The following PTPRZ1 variants were observed in gnomAD, a reference collection of about 807,000 sequenced individuals.
PTPRZ1 encodes protein tyrosine phosphatase receptor type Z1, also known as receptor-type tyrosine-protein phosphatase zeta.
PTPRZ1 carries 82 observed loss-of-function variants against 214.1 expected under a neutral mutation model. The observed-to-expected ratio is 0.38, with a 90% CI of 0.32 to 0.46. The LOEUF (loss-of-function observed/expected upper bound fraction) is 0.46, where lower values mean the gene tolerates loss of function less well. Among genes scored for constraint, PTPRZ1 ranks in the 20% least tolerant of loss-of-function variants. The pLI is 1.00. For missense variants in PTPRZ1, 2,603 were observed against 2,748.7 expected, an observed-to-expected ratio of 0.95 and a Z score of 1.19; for synonymous variants, 945 against 987.9, an observed-to-expected ratio of 0.96 and a Z score of 0.81.
rs1403786207 is a variant in PTPRZ1, at chr7:121,969,778, GTTTT to G, written c.304+1652_304+1655del. Among the ~76,000 whole-genome samples, 3 of 151,368 alleles carry G rather than the reference GTTTT, an allele frequency of 2.0e-5. No homozygotes were observed. In the South Asian group the frequency reaches 6.3e-4, roughly 32 times the overall value. ...AGTAGGGCATGGAACCTCTGCTTTGGTTTTTTTATTTTTATTCTTTTTATATATA... is the reference window on the plus strand; with the variant it reads ...AGTAGGGCATGGAACCTCTGCTTTGGTTTATTTTTATTCTTTTTATATATA... On this transcript the variant is annotated intron_variant, in intron 3 of 29. Transcript: ENST00000393386.
Position 121,946,498 on chromosome 7 carries a change from G to A in PTPRZ1, c.124+18277G>A, listed in dbSNP as rs550680861. ...TGGAAAAGAGACAACTGACAACAAA[G>A]TAGCGAGAAGGTCCCATAGAGCTCC... is the stretch of plus-strand genomic sequence containing the variant. On this transcript the variant is annotated intron_variant, in intron 2 of 29. Coordinates refer to ENST00000393386, the MANE Select transcript of PTPRZ1 (RefSeq NM_002851.3). Among the ~76,000 whole-genome samples, 249 of 152,192 alleles carry A rather than the reference G, an allele frequency of 1.6e-3. 1 individual carries two copies. Among genetic ancestry groups the A allele is most frequent in the African/African-American group, 5.7e-3 (237 of 41,516 alleles).
intron 6 of PTPRZ1, among the ~76,000 whole-genome samples, chr7:121,981,140 C>CA (rs34208259): frequency 0.5 from 65,265 of 129,590 alleles, 15,899 homozygotes; most frequent in Non-Finnish European, 0.58. Context: ...GACTCCGTCT[C>CA]AAAAAAAAAA....
intron 10 of PTPRZ1, among the ~76,000 whole-genome samples, chr7:122,002,169 G>A (rs1798346926): frequency 6.6e-6 from 1 of 152,162 alleles, no homozygotes; most frequent in African/African-American, 2.4e-5. Flanking sequence ...TTTCAAAATT[G>A]TTATGAAGAG....
chr7:122,002,613 A>C (rs1798364682), intron 10 of PTPRZ1, among the ~76,000 whole-genome samples: 3 of 152,226 alleles, frequency 2.0e-5, no homozygotes, highest in Admixed American at 2.0e-4. Flanking sequence ...AAAAAGGGAA[A>C]TAAATCCTCA....
At chr7:121,890,606 G>A (rs979890850) in intron 1 of PTPRZ1, among the ~76,000 whole-genome samples, 3 of 152,080 alleles carry the variant, frequency 2.0e-5, no homozygotes, top group East Asian at 1.9e-4. Context: ...CTCTACTCAT[G>A]AAGTGTCCAT....
At chr7:122,020,037 T>C (rs904296801) in intron 13 of PTPRZ1, among the ~76,000 whole-genome samples, 5 of 152,220 alleles carry the variant, frequency 3.3e-5, no homozygotes, top group Non-Finnish European at 7.3e-5. Flanking sequence ...ATAGTACTTT[T>C]ATAAAGTATA....
intron 4 of PTPRZ1, among the ~76,000 whole-genome samples, chr7:121,973,660 G>A (rs1419357649): frequency 1.3e-5 from 2 of 152,108 alleles, no homozygotes; most frequent in Admixed American, 1.3e-4. Flanking sequence ...GGAGCCAGGC[G>A]CGGTGGCTCA....
At chr7:122,054,863 A>G (rs1469970462) in intron 26 of PTPRZ1, 78 bp from the exon 27 acceptor site, 2 of 1,373,492 alleles carry the variant, frequency 1.5e-6, no homozygotes, top group African/African-American at 1.5e-5. Context: ...TGTGCCAACC[A>G]ATTAACTTTA....
chr7:121,879,758 C>T (rs1220026387), intron 1 of PTPRZ1, among the ~76,000 whole-genome samples: 2 of 151,960 alleles, frequency 1.3e-5, no homozygotes, highest in Non-Finnish European at 2.9e-5. Flanking sequence ...TTCTTCTCAA[C>T]TACCTTCCTC....
At chr7:121,890,581 A>G (rs1794561532) in intron 1 of PTPRZ1, among the ~76,000 whole-genome samples, 4 of 152,182 alleles carry the variant, frequency 2.6e-5, no homozygotes, top group Admixed American at 2.6e-4. Context: ...TTTAACTCAG[A>G]ATAAAAGCCA....
At chr7:121,975,059 C>A (rs535912953) in intron 4 of PTPRZ1, among the ~76,000 whole-genome samples, 1 of 152,028 alleles carries the variant, frequency 6.6e-6, no homozygotes, top group Non-Finnish European at 1.5e-5. Context: ...CGGTGGCATG[C>A]ACCTGTTGTC....
At chr7:122,021,893 T>C (rs570821318) in intron 13 of PTPRZ1, among the ~76,000 whole-genome samples, 2 of 152,342 alleles carry the variant, frequency 1.3e-5, no homozygotes, top group East Asian at 3.9e-4. Flanking sequence ...CTAAAAAATA[T>C]AAATTTTCAT....
intron 1 of PTPRZ1, among the ~76,000 whole-genome samples, chr7:121,898,608 C>T (rs1175977267): frequency 6.6e-6 from 1 of 151,970 alleles, no homozygotes; most frequent in African/African-American, 2.4e-5. Context: ...ACTTCCTTCA[C>T]GTAGATGAGG....
intron 1 of PTPRZ1, among the ~76,000 whole-genome samples, chr7:121,887,884 C>A (rs896290212): frequency 6.6e-6 from 1 of 152,066 alleles, no homozygotes; most frequent in Non-Finnish European, 1.5e-5. Context: ...AACACCCCAG[C>A]TAGTGCCAGC....
intron 9 of PTPRZ1, among the ~76,000 whole-genome samples, chr7:121,997,463 T>C (rs1798177765): frequency 1.3e-5 from 2 of 152,284 alleles, no homozygotes; most frequent in Middle Eastern, 3.4e-3. Context: ...GTGAAGAAGA[T>C]AATTCTATTA....
chr7:122,037,517 G>C (rs1354291572), intron 18 of PTPRZ1, among the ~76,000 whole-genome samples: 1 of 152,120 alleles, frequency 6.6e-6, no homozygotes, highest in South Asian at 2.1e-4. Flanking sequence ...AACTAAATTG[G>C]TTTTTCACTG....
At chr7:121,884,740 A>T (rs757096579) in intron 1 of PTPRZ1, among the ~76,000 whole-genome samples, 17 of 152,206 alleles carry the variant, frequency 1.1e-4, no homozygotes, top group Non-Finnish European at 2.4e-4. Flanking sequence ...ACAGATATGA[A>T]TTGTACCCTG....
At chr7:121,967,001 G>A (rs1797066243) in intron 2 of PTPRZ1, 4 of 152,138 alleles carry the variant, frequency 2.6e-5, no homozygotes, top group African/African-American at 7.2e-5. Context: ...AAATGCTAGC[G>A]TTTAACCAGA....
intron 1 of PTPRZ1, among the ~76,000 whole-genome samples, chr7:121,910,463 G>T (rs1356155937): frequency 6.6e-6 from 1 of 152,012 alleles, no homozygotes; most frequent in Non-Finnish European, 1.5e-5. Context: ...TGGCTGGGGG[G>T]TCCACCAGTG....
Sources: gnomAD v4.1 joint callset for allele counts (sites outside exome capture counted in the v4.1 genomes callset) on GRCh38, gnomAD v4.1.1 for gene constraint, MANE v1.5 for transcripts, NCBI Gene and HGNC (gene_info 2026-07-23, HGNC 2026-07-21) for gene names.